GPR149: variants seen among roughly 807,000 people sequenced by gnomAD.
The protein encoded by GPR149 is probable G protein-coupled receptor 149.
In GPR149, 50 loss-of-function variants were observed where a neutral mutation model predicts 50.2. The ratio of observed to expected loss-of-function variants is 1.00; its 90% confidence interval spans 0.79 to 1.26. The LOEUF is 1.26. Among genes scored for constraint, GPR149 ranks in the 50% most tolerant of loss-of-function variants. The probability of loss-of-function intolerance (pLI) is 0.00; values close to 1 mark genes in which losing one functional copy is unlikely to be tolerated. For missense variants in GPR149, 983 were observed against 895.4 expected (o/e 1.10, Z -1.25); for synonymous variants, 405 against 358.2 (o/e 1.13, Z -1.48).
intron 3 of GPR149, among the ~76,000 whole-genome samples, chr3:154,345,663 G>T (rs902298352): frequency 8.5e-5 from 13 of 152,256 alleles, no homozygotes; most frequent in African/African-American, 2.6e-4. Flanking sequence ...CTGACCTTCG[G>T]CACATTGAAT....
intron 3 of GPR149, among the ~76,000 whole-genome samples, chr3:154,390,821 A>G (rs1296036191): frequency 2.6e-5 from 4 of 152,112 alleles, no homozygotes; most frequent in Non-Finnish European, 5.9e-5. Flanking sequence ...CAGCAAGAGA[A>G]AAGTGACTCA....
At chr3:154,366,913 C>T (rs777399608) in intron 3 of GPR149, among the ~76,000 whole-genome samples, 1 of 152,192 alleles carries the variant, frequency 6.6e-6, no homozygotes, top group African/African-American at 2.4e-5. Context: ...CAGAATAAAC[C>T]TCTTTAAATA....
chr3:154,408,679 C>T (rs1237742576), intron 3 of GPR149, among the ~76,000 whole-genome samples: 1 of 152,186 alleles, frequency 6.6e-6, no homozygotes, highest in Non-Finnish European at 1.5e-5. Context: ...CTACAGCAAG[C>T]CCTGCCCAAG....
intron 3 of GPR149, among the ~76,000 whole-genome samples, chr3:154,346,487 G>A (rs767835714): frequency 6.6e-6 from 1 of 152,102 alleles, no homozygotes; most frequent in Non-Finnish European, 1.5e-5. Flanking sequence ...AAGAAAATGA[G>A]GGCCTTCATC....
In GPR149 at chr3:154,416,195, C is replaced by T. The variant is rs568416165; in HGVS notation, c.1623+4844G>A. The stretch of plus-strand genomic sequence containing the variant: ...TCTTCCAGCCTTATACTTTATGGGT[C>T]GTATATTAAATAGAAAGAATTAATT... On this transcript the variant is annotated intron_variant, in intron 3 of 3. Coordinates refer to ENST00000389740, the MANE Select transcript of GPR149 (RefSeq NM_001038705.3). 2.6e-5 allele frequency among the ~76,000 whole-genome samples: 4 copies of T among 151,870 alleles called. No individual in the cohort carries two copies. The East Asian group carries it at 5.8e-4, about 22-fold the overall frequency.
At chr3:154,352,505 A>G in intron 3 of GPR149, 1 of 774,510 alleles carries the variant, frequency 1.3e-6, no homozygotes, top group Non-Finnish European at 2.4e-6. Context: ...GAGACGCTGT[A>G]TTACTACTTA....
intron 3 of GPR149, among the ~76,000 whole-genome samples, chr3:154,365,994 C>G (rs1165103628): frequency 6.6e-6 from 1 of 152,156 alleles, no homozygotes; most frequent in Admixed American, 6.5e-5. Context: ...CAAGCCTCTA[C>G]CCATTATCTA....
chr3:154,428,957 TC>T lies in GPR149; in HGVS notation c.658del (p.Glu220ArgfsTer85). 1 of 1,613,706 alleles carries T rather than the reference TC, an allele frequency of 6.2e-7. No individual in the cohort carries two copies. The highest frequency in any genetic ancestry group is 1.1e-5 in the South Asian group (1 of 91,028). ...VPLTHRLLCS[E>X]EPPRLHSNYQ... ...GTTGGAGTGGAGTCTCGGCGGCTCC[TC>T]CGAACACAGCAATCGGTGAGTGAGT... On this transcript the variant is annotated frameshift_variant, in exon 1 of 4. Coordinates refer to ENST00000389740, the MANE Select transcript of GPR149 (RefSeq NM_001038705.3). LOFTEE classifies it high-confidence loss of function.
chr3:154,355,463 C>T (rs1714197428), intron 3 of GPR149, among the ~76,000 whole-genome samples: 1 of 152,152 alleles, frequency 6.6e-6, no homozygotes, highest in Non-Finnish European at 1.5e-5. Context: ...TGTTGTTTCT[C>T]TTGGGATTAT....
At chr3:154,347,347 T>A (rs1713953784) in intron 3 of GPR149, among the ~76,000 whole-genome samples, 2 of 152,154 alleles carry the variant, frequency 1.3e-5, no homozygotes, top group Admixed American at 6.6e-5. Context: ...AGCACATCCC[T>A]CGTCACATAG....
At chr3:154,383,591 C>G (rs930529907) in intron 3 of GPR149, among the ~76,000 whole-genome samples, 27 of 152,076 alleles carry the variant, frequency 1.8e-4, no homozygotes, top group African/African-American at 5.6e-4. Context: ...ACTTCCATGA[C>G]AAAGTTCTGA....
chr3:154,394,418 G>C (rs1374465972), intron 3 of GPR149, among the ~76,000 whole-genome samples: 2 of 152,008 alleles, frequency 1.3e-5, no homozygotes, highest in East Asian at 3.8e-4. Context: ...TTAAACATAA[G>C]TCCTGAAACT....
chr3:154,416,453 G>C (rs900975115), intron 3 of GPR149, among the ~76,000 whole-genome samples: 1 of 151,568 alleles, frequency 6.6e-6, no homozygotes, highest in African/African-American at 2.4e-5. Flanking sequence ...CATTTGACTC[G>C]TATGTACATT....
chr3:154,418,111 T>G, intron 3 of GPR149, among the ~76,000 whole-genome samples: 1 of 141,356 alleles, frequency 7.1e-6, no homozygotes, highest in African/African-American at 2.7e-5. Flanking sequence ...AAAACCACGA[T>G]GAGATACCAT....
chr3:154,404,513 G>C (rs533741121), intron 3 of GPR149, among the ~76,000 whole-genome samples: 2 of 152,276 alleles, frequency 1.3e-5, no homozygotes, highest in Admixed American at 1.3e-4. Flanking sequence ...CTATGGGTGA[G>C]ATTGTGACAT....
chr3:154,351,748 T>C (rs978224456), intron 3 of GPR149, among the ~76,000 whole-genome samples: 22 of 152,294 alleles, frequency 1.4e-4, no homozygotes, highest in African/African-American at 4.8e-4. Flanking sequence ...AATGGACAAA[T>C]AAATTTTGTT....
At chr3:154,353,556 A>G in intron 3 of GPR149, 1 of 994,270 alleles carries the variant, frequency 1.0e-6, no homozygotes, top group Non-Finnish European at 1.6e-6. Flanking sequence ...CAAGATGTCA[A>G]TACCATTTTG....
intron 3 of GPR149, among the ~76,000 whole-genome samples, chr3:154,414,853 G>C (rs1711943319): frequency 6.6e-6 from 1 of 151,920 alleles, no homozygotes; most frequent in South Asian, 2.1e-4. Context: ...CTGAGAAGCT[G>C]TTACAAATTG....
chr3:154,428,846 G>C lies in GPR149; in HGVS notation c.770C>G (p.Pro257Arg). Residue 257 changes from proline to arginine, a missense_variant, in exon 1 of 4, where the codon CCA (proline) becomes CGA (arginine). Physicochemically the swap from Pro to Arg is moderately radical, Grantham distance 103 (BLOSUM62 -2). Transcript: ENST00000389740. The stretch of plus-strand genomic sequence containing the variant: ...CCCAGAGCGCCGCAGACTCGGGCCT[G>C]GAGCATCCTCTGGGGACAGGGAAAC... The part of the protein sequence containing the change: ...RVVSLSPEDA[P>R]GPSLRRSGGC... 6.2e-7 allele frequency: 1 copy of C among 1,613,866 alleles called. No homozygotes were observed. The highest frequency in any genetic ancestry group is 8.5e-7 in the Non-Finnish European group (1 of 1,179,912).
Sources: allele counts gnomAD v4.1 joint callset (sites outside exome capture counted in the v4.1 genomes callset), GRCh38; gene constraint gnomAD v4.1.1; transcripts MANE v1.5; gene names NCBI Gene and HGNC (gene_info 2026-07-23, HGNC 2026-07-21).